ASIC2: variants seen among roughly 807,000 people sequenced by gnomAD.
ASIC2 encodes the protein acid sensing ion channel subunit 2.
In ASIC2, 25 loss-of-function variants were observed where a neutral mutation model predicts 57.3. The observed-to-expected ratio is 0.44, with a 90% CI of 0.32 to 0.61. The LOEUF (loss-of-function observed/expected upper bound fraction) is 0.61, where lower values mean the gene tolerates loss of function less well. Among genes scored for constraint, ASIC2 ranks in the 20% least tolerant of loss-of-function variants. The pLI, the probability that ASIC2 is intolerant of heterozygous loss-of-function variation, is 0.06. For missense variants in ASIC2, 641 were observed against 738.1 expected, an observed-to-expected ratio of 0.87 and a Z score of 1.52; for synonymous variants, 319 against 307.5, an observed-to-expected ratio of 1.04 and a Z score of -0.39.
intron 2 of ASIC2, among the ~76,000 whole-genome samples, chr17:33,110,678 TC>T (rs1428335290): frequency 6.6e-6 from 1 of 152,176 alleles, no homozygotes; most frequent in African/African-American, 2.4e-5. Context: ...CAGTCAGTCC[TC>T]CTGGGGTGGA....
intron 1 of ASIC2, among the ~76,000 whole-genome samples, chr17:33,518,170 A>T (rs1019995268): frequency 6.6e-6 from 1 of 152,246 alleles, no homozygotes; most frequent in Non-Finnish European, 1.5e-5. Flanking sequence ...CTTGGCTATC[A>T]GTCCTGAGCT....
chr17:33,957,883 G>A (rs571724780), intron 1 of ASIC2, among the ~76,000 whole-genome samples: 62 of 152,262 alleles, frequency 4.1e-4, no homozygotes, highest in Admixed American at 2.6e-3. Flanking sequence ...AGTCCCTTCT[G>A]CCTATGAGCC....
At chr17:33,458,403 C>A (rs1239284069) in intron 1 of ASIC2, among the ~76,000 whole-genome samples, 1 of 151,360 alleles carries the variant, frequency 6.6e-6, no homozygotes, top group Non-Finnish European at 1.5e-5. Flanking sequence ...ATTTTTAAAA[C>A]TTTTATGTTT....
chr17:33,736,569 C>A (rs541921350), intron 1 of ASIC2, among the ~76,000 whole-genome samples: 1 of 152,236 alleles, frequency 6.6e-6, no homozygotes, highest in South Asian at 2.1e-4. Context: ...CCAGCTATGC[C>A]TCTGTGATGA....
chr17:33,878,802 T>C (rs1465997746), intron 1 of ASIC2, among the ~76,000 whole-genome samples: 2 of 152,066 alleles, frequency 1.3e-5, no homozygotes, highest in Non-Finnish European at 2.9e-5. Context: ...AGACACATAA[T>C]TGTCAGATTC....
chr17:33,370,486 C>T (rs1289006462), intron 1 of ASIC2, among the ~76,000 whole-genome samples: 1 of 152,164 alleles, frequency 6.6e-6, no homozygotes, highest in Non-Finnish European at 1.5e-5. Context: ...AGCTCTCCTG[C>T]AAGCAAAGGC....
intron 1 of ASIC2, among the ~76,000 whole-genome samples, chr17:33,364,746 C>G (rs1012266450): frequency 5.3e-5 from 8 of 152,184 alleles, no homozygotes; most frequent in African/African-American, 1.7e-4. Context: ...ATTACCCAGT[C>G]TCAGGTAGTT....
intron 1 of ASIC2, among the ~76,000 whole-genome samples, chr17:33,619,533 G>T (rs993709229): frequency 1.3e-5 from 2 of 152,168 alleles, no homozygotes; most frequent in African/African-American, 2.4e-5. Context: ...GCAAGTGATT[G>T]CAGTAAGAAA....
At chr17:33,423,096 G>A (rs972592676) in intron 1 of ASIC2, among the ~76,000 whole-genome samples, 7 of 152,150 alleles carry the variant, frequency 4.6e-5, no homozygotes, top group Non-Finnish European at 2.9e-5. Context: ...TTGGGGGCTC[G>A]CACCAGCATG....
intron 2 of ASIC2, among the ~76,000 whole-genome samples, chr17:33,104,697 C>G (rs1175355417): frequency 1.3e-5 from 2 of 152,246 alleles, no homozygotes; most frequent in Admixed American, 1.3e-4. Context: ...ATGCCATTCT[C>G]TCTTCAGAGA....
intron 1 of ASIC2, among the ~76,000 whole-genome samples, chr17:33,878,421 T>C (rs1322154357): frequency 6.6e-6 from 1 of 152,122 alleles, no homozygotes; most frequent in Non-Finnish European, 1.5e-5. Context: ...AAAGACCTGA[T>C]GGAGCTGAAA....
intron 1 of ASIC2, among the ~76,000 whole-genome samples, chr17:33,488,167 C>T (rs2054193312): frequency 6.6e-6 from 1 of 152,076 alleles, no homozygotes; most frequent in African/African-American, 2.4e-5. Flanking sequence ...ATCAGTTTAC[C>T]AAGTGAGAGG....
intron 1 of ASIC2, among the ~76,000 whole-genome samples, chr17:33,612,676 T>C (rs141220899): frequency 7.9e-4 from 120 of 152,236 alleles, no homozygotes; most frequent in African/African-American, 2.8e-3. Flanking sequence ...CACCATGCCA[T>C]CCCCTTTACC....
chr17:33,417,439 C>T (rs376387015), intron 1 of ASIC2, among the ~76,000 whole-genome samples: 707 of 152,268 alleles, frequency 4.6e-3, no homozygotes, highest in Non-Finnish European at 7.5e-3. Context: ...TCTACCTACC[C>T]GGCCAAGACT....
chr17:33,742,402 G>C (rs1220260863), intron 1 of ASIC2, among the ~76,000 whole-genome samples: 1 of 151,856 alleles, frequency 6.6e-6, no homozygotes, highest in East Asian at 1.9e-4. Context: ...ACATTTTTTT[G>C]ATCCCCACTC....
chr17:33,286,234 G>A (rs537747407), intron 1 of ASIC2, among the ~76,000 whole-genome samples: 75 of 152,160 alleles, frequency 4.9e-4, no homozygotes, highest in Non-Finnish European at 1.0e-3. Context: ...TGTTTTCTTC[G>A]CTTTCAGTAC....
intron 1 of ASIC2, among the ~76,000 whole-genome samples, chr17:33,499,677 G>A (rs1914043513): frequency 6.6e-6 from 1 of 152,234 alleles, no homozygotes; most frequent in Non-Finnish European, 1.5e-5. Context: ...TGATGATACT[G>A]ACTGGTTCTG....
At chr17:33,621,083 C>A (rs1905778056) in intron 1 of ASIC2, among the ~76,000 whole-genome samples, 1 of 152,298 alleles carries the variant, frequency 6.6e-6, no homozygotes, top group East Asian at 1.9e-4. Context: ...AAAGTGCCAC[C>A]TTTTCAGGGC....
At chr17:33,940,508 C>G (rs1916164581) in intron 1 of ASIC2, among the ~76,000 whole-genome samples, 1 of 152,168 alleles carries the variant, frequency 6.6e-6, no homozygotes, top group African/African-American at 2.4e-5. Context: ...CCCCCTCCCT[C>G]CCTCCTTCAC....
Sources: gnomAD v4.1 joint callset for allele counts (sites outside exome capture counted in the v4.1 genomes callset) on GRCh38, gnomAD v4.1.1 for gene constraint, MANE v1.5 for transcripts, NCBI Gene and HGNC (gene_info 2026-07-23, HGNC 2026-07-21) for gene names.